Variants in ARHGEF3 observed in about 807,000 individuals in gnomAD.
ARHGEF3 encodes the protein Rho guanine nucleotide exchange factor 3.
In ARHGEF3, 28 loss-of-function variants were observed where a neutral mutation model predicts 63.2. That is an observed-to-expected ratio of 0.44 (90% CI 0.33 to 0.61). ARHGEF3 has a LOEUF of 0.61. Ranked by LOEUF, ARHGEF3 falls within the 20% of genes least tolerant of loss-of-function variation. ARHGEF3 has a pLI of 0.03. For synonymous variants in ARHGEF3, 266 were observed against 254.2 expected, an observed-to-expected ratio of 1.05 and a Z score of -0.44; for missense variants, 533 against 659.3, an observed-to-expected ratio of 0.81 and a Z score of 2.10.
intron 4 of ARHGEF3, among the ~76,000 whole-genome samples, chr3:56,879,689 C>T (rs2040704732): frequency 1.3e-5 from 2 of 150,362 alleles, no homozygotes; most frequent in Admixed American, 1.3e-4. Context: ...CACATAGAAA[C>T]AGTCCAAAAA....
chr3:57,032,209 T>A (rs913193561), intron 2 of ARHGEF3, among the ~76,000 whole-genome samples: 4 of 152,130 alleles, frequency 2.6e-5, no homozygotes, highest in African/African-American at 9.7e-5. Context: ...CAGAGAAACA[T>A]TTTGGATGGG....
At chr3:56,813,359 T>C (rs1169445576) in intron 4 of ARHGEF3, among the ~76,000 whole-genome samples, 2 of 152,206 alleles carry the variant, frequency 1.3e-5, no homozygotes, top group Non-Finnish European at 2.9e-5. Context: ...TTTTAATGCA[T>C]GTTAGAGGTT....
intron 2 of ARHGEF3, among the ~76,000 whole-genome samples, chr3:56,968,035 A>AT: frequency 8.5e-5 from 1 of 11,786 alleles, no homozygotes; most frequent in African/African-American, 3.4e-4. Context: ...TATATTTAAT[A>AT]TATATAAAAT....
chr3:56,868,183 T>C (rs1020746230), intron 4 of ARHGEF3, among the ~76,000 whole-genome samples: 1 of 152,196 alleles, frequency 6.6e-6, no homozygotes, highest in African/African-American at 2.4e-5. Context: ...TGAAACTCAA[T>C]GCTTCTAGAG....
chr3:56,782,790 T>C (rs983537282), intron 1 of ARHGEF3, among the ~76,000 whole-genome samples: 1 of 152,172 alleles, frequency 6.6e-6, no homozygotes, highest in East Asian at 1.9e-4. Context: ...GGCTGCTGGA[T>C]TGAGACTCCA....
At chr3:57,025,603 A>G (rs527886308) in intron 2 of ARHGEF3, among the ~76,000 whole-genome samples, 1 of 152,262 alleles carries the variant, frequency 6.6e-6, no homozygotes, top group Non-Finnish European at 1.5e-5. Context: ...ATTTGCCCTA[A>G]CCCTTACCCT....
intron 1 of ARHGEF3, among the ~76,000 whole-genome samples, chr3:57,043,138 C>T (rs1249043725): frequency 6.6e-6 from 1 of 151,072 alleles, no homozygotes; most frequent in Non-Finnish European, 1.5e-5. Context: ...TTTTTTAAGA[C>T]CAAGTCTCTC....
At chr3:57,069,376 A>AAAAC (rs1553821329) in intron 1 of ARHGEF3, among the ~76,000 whole-genome samples, 2 of 146,362 alleles carry the variant, frequency 1.4e-5, no homozygotes, top group Admixed American at 1.4e-4. Context: ...CTGTCTCTCA[A>AAAAC]ACACACACAC....
chr3:56,886,834 T>C (rs879669199), intron 3 of ARHGEF3, among the ~76,000 whole-genome samples: 100 of 152,254 alleles, frequency 6.6e-4, no homozygotes, highest in Non-Finnish European at 5.3e-4. Flanking sequence ...CAGGAATTTG[T>C]CCAGGGTTTC....
At chr3:56,965,790 T>C (rs1473558411) in intron 2 of ARHGEF3, among the ~76,000 whole-genome samples, 1 of 151,868 alleles carries the variant, frequency 6.6e-6, no homozygotes, top group Non-Finnish European at 1.5e-5. Flanking sequence ...CTGGGACTAC[T>C]GGCACCTGCC....
intron 1 of ARHGEF3, among the ~76,000 whole-genome samples, chr3:57,040,232 C>T (rs959862359): frequency 3.3e-5 from 5 of 152,182 alleles, no homozygotes; most frequent in African/African-American, 7.2e-5. Context: ...AATCCCAGCA[C>T]TTTTGGAGGC....
intron 3 of ARHGEF3, among the ~76,000 whole-genome samples, chr3:56,913,057 T>C (rs1458267936): frequency 6.6e-6 from 1 of 152,102 alleles, no homozygotes; most frequent in East Asian, 1.9e-4. Context: ...GAAGACTGCT[T>C]GAGCCCAGGA....
chr3:56,914,457 A>T (rs1313275255), intron 3 of ARHGEF3, among the ~76,000 whole-genome samples: 1 of 152,240 alleles, frequency 6.6e-6, no homozygotes, highest in Non-Finnish European at 1.5e-5. Flanking sequence ...AATGTGGGGC[A>T]TGCAGTAAAC....
intron 4 of ARHGEF3, among the ~76,000 whole-genome samples, chr3:56,811,938 C>T (rs1008893597): frequency 6.6e-6 from 1 of 152,126 alleles, no homozygotes; most frequent in Non-Finnish European, 1.5e-5. Flanking sequence ...CCTCTTCTTC[C>T]CCAGTAGTCA....
At chr3:56,983,843 G>A (rs776248596) in intron 2 of ARHGEF3, among the ~76,000 whole-genome samples, 11 of 151,238 alleles carry the variant, frequency 7.3e-5, no homozygotes, top group Admixed American at 1.3e-4. Context: ...GGCTGAGGCA[G>A]GAGAATTGCT....
intron 3 of ARHGEF3, among the ~76,000 whole-genome samples, chr3:56,947,730 G>C (rs1291789885): frequency 2.0e-5 from 3 of 152,094 alleles, no homozygotes; most frequent in Admixed American, 2.0e-4. Flanking sequence ...GAGACAGAAA[G>C]TTAACAAGGA....
intron 3 of ARHGEF3, among the ~76,000 whole-genome samples, chr3:56,943,563 A>G (rs1699298410): frequency 6.6e-6 from 1 of 152,136 alleles, no homozygotes; most frequent in East Asian, 1.9e-4. Context: ...CTCAACATCA[A>G]TTCTGCAGCC....
intron 1 of ARHGEF3, among the ~76,000 whole-genome samples, chr3:56,781,334 A>AC (rs1221100034): frequency 2.0e-5 from 3 of 149,742 alleles, no homozygotes; most frequent in African/African-American, 7.4e-5. Context: ...CGCAACCTCC[A>AC]CCTCTGGGTT....
chr3:56,735,089 G>C (rs1240409833), intron 8 of ARHGEF3, among the ~76,000 whole-genome samples: 2 of 152,142 alleles, frequency 1.3e-5, no homozygotes, highest in African/African-American at 4.8e-5. Context: ...TTCAAGAACA[G>C]CCTGGCCAAC....
Sources: gnomAD v4.1 joint callset for allele counts (sites outside exome capture counted in the v4.1 genomes callset) on GRCh38, gnomAD v4.1.1 for gene constraint, MANE v1.5 for transcripts, NCBI Gene and HGNC (gene_info 2026-07-23, HGNC 2026-07-21) for gene names.